KIAA1671: variants seen among roughly 807,000 people sequenced by gnomAD.
KIAA1671 encodes uncharacterized protein KIAA1671.
Under a neutral mutation model 131.2 loss-of-function variants are expected in KIAA1671, and 52 were observed. The ratio of observed to expected loss-of-function variants is 0.40; its 90% CI spans 0.32 to 0.50. The LOEUF (loss-of-function observed/expected upper bound fraction) is 0.50, where lower values mean the gene tolerates loss of function less well. KIAA1671 is among the 20% of genes least tolerant of loss of function. The probability of loss-of-function intolerance (pLI) is 0.73; values close to 1 mark genes in which losing one functional copy is unlikely to be tolerated. For missense variants in KIAA1671, 2,360 were observed against 2,364.2 expected (o/e 1.00, Z 0.04); for synonymous variants, 1,003 against 961.6 (o/e 1.04, Z -0.80).
intron 6 of KIAA1671, among the ~76,000 whole-genome samples, chr22:25,139,256 C>A (rs797005435): frequency 4.6e-5 from 7 of 152,340 alleles, no homozygotes; most frequent in African/African-American, 1.7e-4. Flanking sequence ...TGATGGGGCT[C>A]ACCCTGGGAA....
chr22:24,992,825 A>AAAAAAAAAT, intron 1 of KIAA1671, among the ~76,000 whole-genome samples: 1 of 150,848 alleles, frequency 6.6e-6, no homozygotes, highest in African/African-American at 2.4e-5. Flanking sequence ...AAAAAAAAAA[A>AAAAAAAAAT]AAAAAAAAAA....
chr22:24,972,868 C>T (rs572722154), intron 1 of KIAA1671, among the ~76,000 whole-genome samples: 6 of 152,092 alleles, frequency 3.9e-5, no homozygotes, highest in East Asian at 1.9e-4. Context: ...TGATTAAGAG[C>T]GATGGTGAAA....
At chr22:24,973,053 AG>A in intron 1 of KIAA1671, among the ~76,000 whole-genome samples, 1 of 152,182 alleles carries the variant, frequency 6.6e-6, no homozygotes, top group Non-Finnish European at 1.5e-5. Flanking sequence ...GCCCCCAGGC[AG>A]GAGCAAGCTG....
At chr22:25,179,172 G>T in intron 9 of KIAA1671, 1 of 930,010 alleles carries the variant, frequency 1.1e-6, no homozygotes. Context: ...GGGCGGCTGA[G>T]TGCGGAAGAG....
At chr22:25,049,103 G>A in intron 5 of KIAA1671, 127 bp from the exon 6 acceptor site, 4 of 1,164,518 alleles carry the variant, frequency 3.4e-6, no homozygotes, top group Non-Finnish European at 4.7e-6. Flanking sequence ...TTAAAGTGGG[G>A]GATTTCTGGG....
chr22:25,054,874 G>A (rs1927756089), intron 6 of KIAA1671: 1 of 149,612 alleles, frequency 6.7e-6, no homozygotes. Context: ...CTGGGGAACA[G>A]TGGTTTGCCC....
intron 1 of KIAA1671, among the ~76,000 whole-genome samples, chr22:24,977,893 C>T (rs528914334): frequency 3.3e-4 from 50 of 152,194 alleles, no homozygotes; most frequent in East Asian, 1.9e-4. Flanking sequence ...ACAAACCAAA[C>T]CAAAACGCTA....
At chr22:25,123,573 TGTCTTGAGGACCCTCAA>T (rs1244065110) in intron 6 of KIAA1671, among the ~76,000 whole-genome samples, 1 of 152,154 alleles carries the variant, frequency 6.6e-6, no homozygotes, top group African/African-American at 2.4e-5. Flanking sequence ...AAAGCTGCTG[TGTCTTGAGGACCCTCAA>T]GCAGCCCTGT....
intron 1 of KIAA1671, among the ~76,000 whole-genome samples, chr22:25,002,803 A>G (rs2123864163): frequency 6.6e-6 from 1 of 151,962 alleles, no homozygotes; most frequent in African/African-American, 2.4e-5. Flanking sequence ...TTTTAAAGAC[A>G]GGATCTCACT....
At chr22:24,965,141 T>C (rs1257109902) in intron 1 of KIAA1671, among the ~76,000 whole-genome samples, 1 of 148,366 alleles carries the variant, frequency 6.7e-6, no homozygotes, top group East Asian at 2.0e-4. Context: ...CTGGGGACGG[T>C]GGCTCACACC....
intron 6 of KIAA1671, among the ~76,000 whole-genome samples, chr22:25,105,686 C>G (rs1272913398): frequency 1.3e-5 from 2 of 152,188 alleles, no homozygotes; most frequent in Non-Finnish European, 2.9e-5. Context: ...TTCTGCACCC[C>G]TCTCCCCTTT....
intron 7 of KIAA1671, among the ~76,000 whole-genome samples, 197 bp from the exon 8 acceptor site, chr22:25,174,043 C>T (rs1390155282): frequency 6.6e-6 from 1 of 152,168 alleles, no homozygotes; most frequent in African/African-American, 2.4e-5. Context: ...GTGTTCCAGG[C>T]AGTGCCTTAG....
At position 25,174,245 on chromosome 22, in the gene KIAA1671, C is replaced by A. The variant is rs773445204; in HGVS notation, c.4655C>A (p.Ala1552Asp). 2 of 1,551,320 alleles carry A rather than the reference C, an allele frequency of 1.3e-6. No homozygotes were observed. Among genetic ancestry groups the A allele is most frequent in the Non-Finnish European group, 1.7e-6 (2 of 1,146,866 alleles). ...TEQCQSGESL[A>D]TESPDSSATS... Reference sequence around the variant, plus strand: ...TTCATTCCCTTTTTTGGCAGCTTGGCCACTGAGTCCCCAGATAGCAGTGCC... The same window carrying A: ...TTCATTCCCTTTTTTGGCAGCTTGGACACTGAGTCCCCAGATAGCAGTGCC... The change falls in exon 8 of 13, where the codon GCC becomes GAC. Residue 1552 changes from alanine (A) to aspartate (D), a missense_variant. Transcript: ENST00000358431.
At chr22:25,092,456 G>T (rs906975883) in intron 6 of KIAA1671, among the ~76,000 whole-genome samples, 1 of 152,218 alleles carries the variant, frequency 6.6e-6, no homozygotes, top group Admixed American at 6.5e-5. Flanking sequence ...GGCAGAATAT[G>T]TAGAGTTTAT....
chr22:25,008,323 C>CT (rs1433406752), intron 1 of KIAA1671, among the ~76,000 whole-genome samples: 2 of 151,858 alleles, frequency 1.3e-5, no homozygotes, highest in Non-Finnish European at 2.9e-5. Flanking sequence ...TGGTGCTTGT[C>CT]TGCCCTGCCT....
intron 6 of KIAA1671, among the ~76,000 whole-genome samples, chr22:25,071,654 G>C (rs1369972918): frequency 1.6e-5 from 2 of 123,046 alleles, no homozygotes; most frequent in African/African-American, 5.6e-5. Context: ...TAACCTTGAT[G>C]TGCCTGGCTG....
In KIAA1671 at chr22:25,133,053, CAAAAAAA is replaced by C. The variant is rs200397060; in HGVS notation, c.4531-37750_4531-37744del. On this transcript the variant is annotated intron_variant, in intron 6 of 12. Transcript: ENST00000358431. ...TGGGTGACAGAGTGAGACTCCATCT[CAAAAAAA>C]AAAAAAAAAAAAAAAATACCAGAGA... is the stretch of plus-strand genomic sequence containing the variant. 2.9e-4 allele frequency among the ~76,000 whole-genome samples: 26 copies of C among 90,472 alleles called. No homozygotes were observed. The East Asian group carries it at 4.3e-3, about 15-fold the overall frequency. 59.4% of individuals were successfully genotyped at this position (90,472 alleles called of 152,430 possible).
intron 6 of KIAA1671, among the ~76,000 whole-genome samples, chr22:25,113,276 G>C (rs1931472813): frequency 6.6e-6 from 1 of 152,140 alleles, no homozygotes; most frequent in African/African-American, 2.4e-5. Flanking sequence ...TTGCAGTCCA[G>C]CTCCCAGCAG....
chr22:25,063,361 T>C (rs563945726), intron 6 of KIAA1671: 2 of 152,126 alleles, frequency 1.3e-5, no homozygotes, highest in Non-Finnish European at 2.9e-5. Flanking sequence ...GTATACACCA[T>C]GGAATACTAC....
Sources: gnomAD v4.1 joint callset for allele counts (sites outside exome capture counted in the v4.1 genomes callset) on GRCh38, gnomAD v4.1.1 for gene constraint, MANE v1.5 for transcripts, NCBI Gene and HGNC (gene_info 2026-07-23, HGNC 2026-07-21) for gene names.